Variants in SLC16A12 observed in about 807,000 individuals in gnomAD.
SLC16A12 encodes solute carrier family 16 member 12, also known as monocarboxylate transporter 12.
Under a neutral mutation model 42.4 loss-of-function variants are expected in SLC16A12, and 17 were observed. That is an observed-to-expected ratio of 0.40 (90% CI 0.27 to 0.60). The LOEUF is 0.60. Ranked by LOEUF, SLC16A12 falls within the 20% of genes least tolerant of loss-of-function variation. The probability of loss-of-function intolerance (pLI) is 0.42; values close to 1 mark genes in which losing one functional copy is unlikely to be tolerated. For missense variants in SLC16A12, 544 were observed against 623.0 expected (o/e 0.87, Z 1.35); for synonymous variants, 224 against 229.4 (o/e 0.98, Z 0.21).
At chr10:89,498,801 T>C (rs1004532512) in intron 2 of SLC16A12, among the ~76,000 whole-genome samples, 8 of 152,120 alleles carry the variant, frequency 5.3e-5, no homozygotes, top group Admixed American at 4.6e-4. Context: ...CTCCACATCA[T>C]AGGCCTCTGT....
intron 2 of SLC16A12, among the ~76,000 whole-genome samples, chr10:89,543,119 T>C (rs916479172): frequency 1.3e-5 from 2 of 152,224 alleles, no homozygotes; most frequent in African/African-American, 2.4e-5. Flanking sequence ...CAAAAGATGC[T>C]TAATGGTTAG....
At chr10:89,454,414 T>C (rs550485748) in intron 3 of SLC16A12, among the ~76,000 whole-genome samples, 1 of 152,238 alleles carries the variant, frequency 6.6e-6, no homozygotes, top group African/African-American at 2.4e-5. Flanking sequence ...CTAATCTTCC[T>C]GAATTCACAC....
At chr10:89,494,556 G>T (rs568219841) in intron 2 of SLC16A12, among the ~76,000 whole-genome samples, 1 of 152,186 alleles carries the variant, frequency 6.6e-6, no homozygotes, top group Non-Finnish European at 1.5e-5. Flanking sequence ...TGGTGGTAAA[G>T]GAATCAAAGG....
At chr10:89,466,337 G>T (rs1253077661) in intron 2 of SLC16A12, among the ~76,000 whole-genome samples, 4 of 152,190 alleles carry the variant, frequency 2.6e-5, no homozygotes, top group Admixed American at 2.0e-4. Context: ...TGGGCTATGA[G>T]CATTGCAGAA....
intron 3 of SLC16A12, among the ~76,000 whole-genome samples, chr10:89,455,809 GTTTC>G (rs1193031552): frequency 4.6e-5 from 7 of 152,136 alleles, no homozygotes; most frequent in African/African-American, 1.2e-4. Flanking sequence ...CAGGGCCTCA[GTTTC>G]TTTATCTCTA....
At position 89,491,009 on chromosome 10, in the gene SLC16A12, CT is replaced by C. The variant is rs1842838921; in HGVS notation, c.-46-28386del. Among the ~76,000 whole-genome samples, 6 of 152,280 alleles carry C rather than the reference CT, an allele frequency of 3.9e-5. No individual in the cohort carries two copies. The South Asian group carries it at 1.2e-3, about 32-fold the overall frequency. The stretch of plus-strand genomic sequence containing the variant: ...CCAAATACTATAACAAAAGATGCCC[CT>C]ATCACTCATATTAACACTTATGAAA... On this transcript the variant is annotated intron_variant, in intron 2 of 7. Transcript: ENST00000371790.
intron 3 of SLC16A12, among the ~76,000 whole-genome samples, chr10:89,454,599 T>C (rs1842154431): frequency 6.6e-6 from 1 of 151,956 alleles, no homozygotes. Flanking sequence ...TCTGCTTGCC[T>C]CTTTTAACAC....
chr10:89,510,421 A>T (rs1843145397), intron 2 of SLC16A12, among the ~76,000 whole-genome samples: 1 of 152,180 alleles, frequency 6.6e-6, no homozygotes, highest in African/African-American at 2.4e-5. Flanking sequence ...AGGCCTCAGA[A>T]ATAACACCAC....
intron 3 of SLC16A12, among the ~76,000 whole-genome samples, chr10:89,458,548 T>C (rs17121936): frequency 0.1 from 15,869 of 152,176 alleles, 2,728 homozygotes; most frequent in African/African-American, 0.36. Context: ...TGACAGGCAT[T>C]CTACCACCGG....
chr10:89,549,032 T>G (rs1267787010), intron 2 of SLC16A12, among the ~76,000 whole-genome samples: 1 of 152,234 alleles, frequency 6.6e-6, no homozygotes, highest in Non-Finnish European at 1.5e-5. Context: ...ATGGTTCTGC[T>G]GGACTGTCAC....
intron 2 of SLC16A12, among the ~76,000 whole-genome samples, chr10:89,467,407 G>A (rs1842420585): frequency 6.6e-6 from 1 of 152,014 alleles, no homozygotes; most frequent in Non-Finnish European, 1.5e-5. Context: ...AGCCACTATA[G>A]GCAAAAAATA....
At position 89,437,289 on chromosome 10, in the gene SLC16A12, C is replaced by T. The variant is rs182983146; in HGVS notation, c.1029-970G>A. ...CATTAATTTTCCTGATAACTCCAAACCCATTTATGATACCAATAATTTCAA... is the reference window on the plus strand; with the variant it reads ...CATTAATTTTCCTGATAACTCCAAATCCATTTATGATACCAATAATTTCAA... On this transcript the variant is annotated intron_variant, in intron 6 of 7. Coordinates refer to ENST00000371790, the MANE Select transcript of SLC16A12 (RefSeq NM_213606.4). 2.6e-5 allele frequency among the ~76,000 whole-genome samples: 4 copies of T among 152,326 alleles called. No individual in the cohort carries two copies. In the East Asian group the frequency reaches 7.7e-4, roughly 29 times the overall value.
chr10:89,545,808 C>T (rs1314600082), intron 2 of SLC16A12, among the ~76,000 whole-genome samples: 3 of 152,202 alleles, frequency 2.0e-5, no homozygotes, highest in African/African-American at 7.2e-5. Flanking sequence ...AACTATACTA[C>T]AAGGCTACAG....
At chr10:89,445,326 G>A (rs542548420) in intron 3 of SLC16A12, among the ~76,000 whole-genome samples, 15 of 152,300 alleles carry the variant, frequency 9.8e-5, no homozygotes, top group African/African-American at 2.9e-4. Flanking sequence ...ACACCTCCCC[G>A]TAGGGGCCAA....
chr10:89,462,409 A>T lies in SLC16A12; in HGVS notation c.170T>A (p.Leu57His), dbSNP rs1376246682. ...WGWMIVAGCF[L>H]VTICTRAVTR... ...GACTGCCCGTGTGCAGATGGTAACA[A>T]GGAAACAGCCAGCCACAATCATCCA... Residue 57 changes from leucine (L) to histidine (H), a missense_variant, in exon 3 of 8, where the codon CTT (leucine) becomes CAT (histidine). By Grantham distance (99) the Leu-to-His change is moderately conservative (BLOSUM62 -3). Coordinates refer to ENST00000371790, the MANE Select transcript of SLC16A12 (RefSeq NM_213606.4). 1 of 1,614,084 alleles carries T rather than the reference A, an allele frequency of 6.2e-7. No homozygotes were observed. The highest frequency in any genetic ancestry group is 2.2e-5 in the East Asian group (1 of 44,880).
intron 2 of SLC16A12, among the ~76,000 whole-genome samples, chr10:89,486,553 C>T (rs1172505737): frequency 1.5e-5 from 2 of 132,880 alleles, no homozygotes; most frequent in African/African-American, 5.6e-5. Flanking sequence ...TATCAAGCCA[C>T]TGTACTCCAG....
At chr10:89,513,203 A>G (rs1366285822) in intron 2 of SLC16A12, among the ~76,000 whole-genome samples, 1 of 152,222 alleles carries the variant, frequency 6.6e-6, no homozygotes, top group Non-Finnish European at 1.5e-5. Flanking sequence ...CGATCATTTA[A>G]TCTATATTGC....
chr10:89,463,765 C>G (rs1842343467), intron 2 of SLC16A12, among the ~76,000 whole-genome samples: 1 of 152,156 alleles, frequency 6.6e-6, no homozygotes, highest in Admixed American at 6.5e-5. Context: ...TTCATTCATT[C>G]AACTCTAAAT....
chr10:89,464,303 C>T (rs1343249064), intron 2 of SLC16A12, among the ~76,000 whole-genome samples: 1 of 152,146 alleles, frequency 6.6e-6, no homozygotes, highest in Non-Finnish European at 1.5e-5. Context: ...TTTGTGATAC[C>T]CTTAGCCAAG....
Sources: gnomAD v4.1 joint callset for allele counts (sites outside exome capture counted in the v4.1 genomes callset) on GRCh38, gnomAD v4.1.1 for gene constraint, MANE v1.5 for transcripts, NCBI Gene and HGNC (gene_info 2026-07-23, HGNC 2026-07-21) for gene names.